Variants in SP3 observed in about 807,000 individuals in gnomAD.
SP3 encodes Sp3 transcription factor, also known as transcription factor Sp3.
In SP3, 10 loss-of-function variants were observed where a neutral mutation model predicts 70.3. The ratio of observed to expected loss-of-function variants is 0.14; its 90% CI spans 0.09 to 0.24. The LOEUF (loss-of-function observed/expected upper bound fraction) is 0.24. Among genes scored for constraint, SP3 ranks in the 10% least tolerant of loss-of-function variants. SP3 has a pLI of 1.00. For synonymous variants in SP3, 402 were observed against 333.5 expected (o/e 1.21, Z -2.24); for missense variants, 825 against 914.6 (o/e 0.90, Z 1.26).
rs1182159156 is a variant in SP3, at chr2:173,955,384, A to G, written c.1128T>C (p.Pro376=). 6.2e-7 allele frequency: 1 copy of G among 1,613,984 alleles called. No homozygotes were observed. The highest frequency in any genetic ancestry group is 2.2e-5 in the East Asian group (1 of 44,888). ...TCTGTGCCTGTGTCTCTTCAGAAACAGGCGACTGGATATAATTTCCCTGAA... is the reference window on the plus strand; with the variant it reads ...TCTGTGCCTGTGTCTCTTCAGAAACGGGCGACTGGATATAATTTCCCTGAA... ...SDLQGNYIQS[P]VSEETQAQNI... Residue 376 remains proline, a synonymous_variant, in exon 4 of 7, where the codon CCT becomes CCC. Transcript: ENST00000310015.
chr2:173,961,362 A>C (rs534502032), intron 3 of SP3, among the ~76,000 whole-genome samples: 5 of 152,178 alleles, frequency 3.3e-5, no homozygotes, highest in Non-Finnish European at 7.4e-5. Flanking sequence ...GGCCCTTTTA[A>C]TCTCAAAATA....
At chr2:173,913,370 T>G in intron 5 of SP3, 104 bp from the exon 6 acceptor site, 1 of 868,966 alleles carries the variant, frequency 1.2e-6, no homozygotes, top group Non-Finnish European at 1.6e-6. Context: ...TAGAAGACAT[T>G]ATCATTACAA....
intron 4 of SP3, among the ~76,000 whole-genome samples, chr2:173,939,381 A>G (rs1312369124): frequency 6.6e-6 from 1 of 152,214 alleles, no homozygotes; most frequent in Non-Finnish European, 1.5e-5. Context: ...TCAGATGTAT[A>G]TGCTTCAGAT....
intron 3 of SP3, among the ~76,000 whole-genome samples, chr2:173,961,209 G>A (rs1036971295): frequency 5.9e-5 from 9 of 152,136 alleles, no homozygotes; most frequent in South Asian, 2.1e-4. Context: ...CATTATATAC[G>A]AGACTGCTTT....
rs536812364 is a variant in SP3 at position 173,929,490 on chromosome 2, C to T, written c.1640-10705G>A. ...ATTTATTAAAACAAGTTATCTACTTCCCTTCACACACACAATACACACTGA... is the reference window on the plus strand; with the variant it reads ...ATTTATTAAAACAAGTTATCTACTTTCCTTCACACACACAATACACACTGA... On this transcript the variant is annotated intron_variant, in intron 4 of 6. Coordinates refer to ENST00000310015, the MANE Select transcript of SP3 (RefSeq NM_003111.5). 4.6e-5 allele frequency among the ~76,000 whole-genome samples: 7 copies of T among 152,278 alleles called. No homozygotes were observed. The East Asian group carries it at 1.4e-3, about 29-fold the overall frequency.
rs1689191211 is a variant in SP3 at position 173,901,635 on chromosome 2, C to G, written c.*8306G>C. Among the ~76,000 whole-genome samples the G allele has an allele frequency of 6.6e-6, 1 of 151,226 alleles. No homozygotes were observed. The highest frequency in any genetic ancestry group is 1.5e-5 in the Non-Finnish European group (1 of 67,902). On this transcript the variant is annotated 3_prime_UTR_variant, in exon 7 of 7. Transcript: ENST00000310015. ...TCCATCAACCCATCATGTGCAGTAGCCTATATCCCCAGCCGTTGGATAAAA... is the reference window on the plus strand; with the variant it reads ...TCCATCAACCCATCATGTGCAGTAGGCTATATCCCCAGCCGTTGGATAAAA...
rs538164949 is a variant in SP3 at position 173,924,577 on chromosome 2, A to G, written c.1640-5792T>C. On this transcript the variant is annotated intron_variant, in intron 4 of 6. Coordinates refer to ENST00000310015, the MANE Select transcript of SP3 (RefSeq NM_003111.5). ...TATATTAACTCATGTCATGCTCCCA[A>G]CTACGCTGAGTTTAATATTATTTTC... is the stretch of plus-strand genomic sequence containing the variant. Among the ~76,000 whole-genome samples, 116 of 152,284 alleles carry G rather than the reference A, an allele frequency of 7.6e-4. 1 individual carries two copies. The highest frequency in any genetic ancestry group is 6.8e-3 in the Middle Eastern group (2 of 294).
intron 4 of SP3, among the ~76,000 whole-genome samples, chr2:173,948,257 T>C (rs574038785): frequency 5.3e-5 from 8 of 152,338 alleles, no homozygotes; most frequent in South Asian, 2.1e-4. Context: ...TTGTTACCCA[T>C]AGTCAATCAC....
Position 173,901,225 on chromosome 2 carries a change from TTA to T in SP3, c.*8714_*8715del, listed in dbSNP as rs1344437237. ...ATAGAAAGGCAAAATCATAAAATTT[TTA>T]GACAAAAATTTTTATGACAGTAGGT... On this transcript the variant is annotated 3_prime_UTR_variant, in exon 7 of 7. Transcript: ENST00000310015. Among the ~76,000 whole-genome samples, 2 of 151,650 alleles carry T rather than the reference TTA, an allele frequency of 1.3e-5. No homozygotes were observed. The highest frequency in any genetic ancestry group is 2.9e-5 in the Non-Finnish European group (2 of 67,892).
chr2:173,961,965 A>G (rs1274159786), intron 3 of SP3, among the ~76,000 whole-genome samples: 1 of 128,510 alleles, frequency 7.8e-6, no homozygotes, highest in East Asian at 2.0e-4. Flanking sequence ...TTTTTTAGGC[A>G]AAACTATTTT....
intron 1 of SP3, 74 bp from the exon 2 acceptor site, chr2:173,964,627 A>C (rs1691226295): frequency 1.1e-5 from 7 of 613,250 alleles, no homozygotes. Context: ...CCGCGGGCCG[A>C]AGCGAAATTA....
chr2:173,927,179 G>T (rs138233251), intron 4 of SP3, among the ~76,000 whole-genome samples: 39 of 152,070 alleles, frequency 2.6e-4, no homozygotes, highest in African/African-American at 8.7e-4. Context: ...CCACCCCCAT[G>T]ATCAAATCAC....
In SP3 at chr2:173,963,843, C is replaced by T; in HGVS notation, c.197G>A (p.Cys66Tyr). The T allele has an allele frequency of 6.7e-7, 1 of 1,501,748 alleles. No homozygotes were observed. The allele number at this position is 1,501,748 out of a possible 1,614,324, so 93.0% of individuals were successfully genotyped here. The change falls in exon 3 of 7, where the codon TGC (cysteine) becomes TAC (tyrosine). Residue 66 changes from cysteine to tyrosine, a missense_variant. By Grantham distance (194) the Cys-to-Tyr change is radical. This residue lies in a region of SP3 where 678 missense variants were observed against 651.6 expected (regional missense o/e 1.04). Transcript: ENST00000310015. ...PSPLALLAATCSKIGPPSPGD... is the reference protein window; with the variant it reads ...PSPLALLAATYSKIGPPSPGD... Reference sequence around the variant, plus strand: ...CGGCGATGGCGGCCCTATCTTGCTGCAGGTAGCGGCCAGCAGAGCGAGCGG... The same window carrying T: ...CGGCGATGGCGGCCCTATCTTGCTGTAGGTAGCGGCCAGCAGAGCGAGCGG...
At position 173,904,063 on chromosome 2, in the gene SP3, A is replaced by G. The variant is rs886536581; in HGVS notation, c.*5878T>C. 2.6e-5 allele frequency among the ~76,000 whole-genome samples: 4 copies of G among 152,064 alleles called. No individual in the cohort carries two copies. The highest frequency in any genetic ancestry group is 9.7e-5 in the African/African-American group (4 of 41,392). ...AGATCATCAGACATTAGATTCTCTT[A>G]AGGAGGGCACTACCTAGATCCCTCG... On this transcript the variant is annotated 3_prime_UTR_variant, in exon 7 of 7. Transcript: ENST00000310015.
intron 6 of SP3, among the ~76,000 whole-genome samples, chr2:173,910,895 A>C (rs1689463357): frequency 6.6e-6 from 1 of 152,248 alleles, no homozygotes; most frequent in South Asian, 2.1e-4. Flanking sequence ...GAATAAAGTA[A>C]GTTTAAATAC....
At chr2:173,948,152 T>C (rs948611142) in intron 4 of SP3, among the ~76,000 whole-genome samples, 1 of 152,180 alleles carries the variant, frequency 6.6e-6, no homozygotes, top group Non-Finnish European at 1.5e-5. Context: ...TCTATATTAA[T>C]AGCTAATTAA....
chr2:173,953,381 G>A (rs1690775462), intron 4 of SP3, among the ~76,000 whole-genome samples: 1 of 152,164 alleles, frequency 6.6e-6, no homozygotes, highest in Admixed American at 6.5e-5. Context: ...CACATTTTAA[G>A]AACTACTGTT....
intron 4 of SP3, among the ~76,000 whole-genome samples, chr2:173,927,505 T>C (rs1337024544): frequency 2.6e-5 from 4 of 152,102 alleles, no homozygotes; most frequent in African/African-American, 9.7e-5. Context: ...CTCGAACTCC[T>C]GACCTCAGGT....
intron 3 of SP3, 48 bp downstream of exon 3, chr2:173,963,712 GA>G (rs1691163119): frequency 1.3e-6 from 1 of 765,582 alleles, no homozygotes; most frequent in Admixed American, 6.1e-5. Context: ...ACGGGTCCGG[GA>G]TGGCGGGCGC....
Sources: gnomAD v4.1 joint callset for allele counts (sites outside exome capture counted in the v4.1 genomes callset) on GRCh38, gnomAD v4.1.1 for gene constraint, gnomAD v4.1.1 regional missense constraint, MANE v1.5 for transcripts, NCBI Gene and HGNC (gene_info 2026-07-23, HGNC 2026-07-21) for gene names.